The following EPHA3 variants were observed in gnomAD, a reference collection of about 807,000 sequenced individuals.
EPHA3 encodes the protein EPH receptor A3.
Under a neutral mutation model 107.1 loss-of-function variants are expected in EPHA3, and 42 were observed. The observed-to-expected ratio is 0.39, with a 90% CI of 0.31 to 0.51. The LOEUF (loss-of-function observed/expected upper bound fraction) is 0.51. EPHA3 is among the 20% of genes least tolerant of loss of function. The pLI is 0.78. For synonymous variants in EPHA3, 461 were observed against 424.8 expected (o/e 1.09, Z -1.05); for missense variants, 1,183 against 1,211.2 (o/e 0.98, Z 0.35).
At chr3:89,146,000 A>G (rs1412052062) in intron 2 of EPHA3, among the ~76,000 whole-genome samples, 9 of 151,936 alleles carry the variant, frequency 5.9e-5, no homozygotes, top group Non-Finnish European at 1.2e-4. Context: ...TCCTTACAGT[A>G]GTTCTCACTT....
chr3:89,399,214 G>A lies in EPHA3; in HGVS notation c.1432-104G>A, dbSNP rs956387133. 22 of 1,044,226 alleles carry A rather than the reference G, an allele frequency of 2.1e-5. No homozygotes were observed. The East Asian group carries it at 5.2e-4, about 25-fold the overall frequency. 64.7% of individuals were successfully genotyped at this position (1,044,226 alleles called of 1,614,324 possible). A position where few individuals can be genotyped will look rare whatever the true frequency, so the allele number is the denominator to read the frequency against. On this transcript the variant is annotated intron_variant, in intron 6 of 16. Transcript: ENST00000336596. ...ACTTTTTAAATCCATCCTATGATTT[G>A]TGTTAAAATATAAAAGAATCAGGTT...
At chr3:89,199,690 C>A (rs1705925527) in intron 2 of EPHA3, among the ~76,000 whole-genome samples, 1 of 152,154 alleles carries the variant, frequency 6.6e-6, no homozygotes, top group Non-Finnish European at 1.5e-5. Flanking sequence ...TTTCAAAAAT[C>A]TGAATTATAA....
At chr3:89,150,089 T>C (rs1353606175) in intron 2 of EPHA3, among the ~76,000 whole-genome samples, 1 of 151,948 alleles carries the variant, frequency 6.6e-6, no homozygotes, top group Non-Finnish European at 1.5e-5. Flanking sequence ...CTCTTTTTAG[T>C]GACAATTTGG....
intron 11 of EPHA3, among the ~76,000 whole-genome samples, chr3:89,428,288 C>T (rs571110263): frequency 1.3e-5 from 2 of 151,952 alleles, no homozygotes; most frequent in Admixed American, 6.6e-5. Flanking sequence ...AGTTAATTAG[C>T]CTCTGTGTCT....
intron 1 of EPHA3, 102 bp from the exon 2 acceptor site, chr3:89,127,107 G>T: frequency 1.1e-6 from 1 of 870,038 alleles, no homozygotes; most frequent in South Asian, 1.5e-5. Context: ...GAAGAGTTAT[G>T]TTTTTTGAGC....
rs558523749 is a variant in EPHA3, at chr3:89,153,740, T to C, written c.153+26467T>C. On this transcript the variant is annotated intron_variant, in intron 2 of 16. Coordinates refer to ENST00000336596, the MANE Select transcript of EPHA3 (RefSeq NM_005233.6). ...CATGTGTCCTATTATAGTTACACTC[T>C]GTGTTCATCATAGAATGATCCTGAA... 1.7e-4 allele frequency among the ~76,000 whole-genome samples: 26 copies of C among 152,248 alleles called. No homozygotes were observed. In the South Asian group the frequency reaches 3.9e-3, roughly 23 times the overall value.
intron 3 of EPHA3, among the ~76,000 whole-genome samples, chr3:89,276,950 C>A (rs1238770682): frequency 6.6e-6 from 1 of 152,010 alleles, no homozygotes. Context: ...ATGAGTATAT[C>A]CCTTTTAAAA....
chr3:89,349,746 A>G (rs1332359613), intron 5 of EPHA3, among the ~76,000 whole-genome samples: 2 of 149,832 alleles, frequency 1.3e-5, no homozygotes, highest in Non-Finnish European at 3.0e-5. Flanking sequence ...ATTTTGCAGC[A>G]GCTGGTACCA....
At chr3:89,331,643 A>G (rs1392172511) in intron 3 of EPHA3, among the ~76,000 whole-genome samples, 1 of 152,124 alleles carries the variant, frequency 6.6e-6, no homozygotes, top group Non-Finnish European at 1.5e-5. Flanking sequence ...GGTTTTCATC[A>G]TTTCTATCTC....
At chr3:89,308,942 T>A (rs536578102) in intron 3 of EPHA3, among the ~76,000 whole-genome samples, 1 of 152,160 alleles carries the variant, frequency 6.6e-6, no homozygotes, top group African/African-American at 2.4e-5. Context: ...GATTGATCAC[T>A]TCTTCCTAAC....
chr3:89,427,293 C>G (rs1194145329), intron 11 of EPHA3, among the ~76,000 whole-genome samples: 3 of 151,782 alleles, frequency 2.0e-5, no homozygotes, highest in Admixed American at 6.6e-5. Flanking sequence ...AAAAGTATAA[C>G]CTTCATGATG....
intron 1 of EPHA3, among the ~76,000 whole-genome samples, chr3:89,108,367 A>G (rs1474229949): frequency 6.6e-6 from 1 of 152,120 alleles, no homozygotes; most frequent in African/African-American, 2.4e-5. Context: ...GCTGTGTTGA[A>G]GTTGTGTGTA....
intron 3 of EPHA3, among the ~76,000 whole-genome samples, chr3:89,211,229 T>C (rs976417588): frequency 6.6e-6 from 1 of 152,066 alleles, no homozygotes; most frequent in Non-Finnish European, 1.5e-5. Context: ...TTTAATCAAA[T>C]TAATATTTAT....
chr3:89,372,946 G>A (rs1280749962), intron 5 of EPHA3, among the ~76,000 whole-genome samples: 1 of 151,696 alleles, frequency 6.6e-6, no homozygotes, highest in Non-Finnish European at 1.5e-5. Flanking sequence ...GAAAAAAGTA[G>A]TTTGATCAAA....
chr3:89,376,771 A>C (rs1309906822), intron 5 of EPHA3, among the ~76,000 whole-genome samples: 1 of 152,094 alleles, frequency 6.6e-6, no homozygotes, highest in Admixed American at 6.6e-5. Flanking sequence ...ATAGTTTGTC[A>C]TCAGCGTTAT....
intron 2 of EPHA3, among the ~76,000 whole-genome samples, chr3:89,163,039 T>C (rs1704984561): frequency 6.6e-6 from 1 of 152,190 alleles, no homozygotes; most frequent in Admixed American, 6.5e-5. Context: ...TTAAAGTTTA[T>C]ATTTACCAGG....
intron 2 of EPHA3, among the ~76,000 whole-genome samples, chr3:89,130,229 T>G (rs1380325438): frequency 1.3e-5 from 2 of 152,154 alleles, no homozygotes; most frequent in Non-Finnish European, 2.9e-5. Flanking sequence ...TGACCTGGTC[T>G]AAAATGACAG....
chr3:89,111,673 C>A (rs181291088), intron 1 of EPHA3, among the ~76,000 whole-genome samples: 1 of 152,002 alleles, frequency 6.6e-6, no homozygotes, highest in Non-Finnish European at 1.5e-5. Flanking sequence ...TGAATTGCTA[C>A]GATAATATTT....
rs201174169 is a variant in EPHA3, at chr3:89,342,130, C to A, written c.1306+40C>A. ...GATGCTTCTTACTCTTATCATATCA[C>A]GTCTGAGTAATGGTTTTGACTCTGG... On this transcript the variant is annotated intron_variant, in intron 5 of 16. Transcript: ENST00000336596. The A allele has an allele frequency of 7.2e-5, 109 of 1,523,186 alleles. No individual in the cohort carries two copies. In the African/African-American group the frequency reaches 1.4e-3, roughly 20 times the overall value. 94.4% of individuals were successfully genotyped at this position (1,523,186 alleles called of 1,614,324 possible). A position where few individuals can be genotyped will look rare whatever the true frequency, so the allele number is the denominator to read the frequency against.
Sources: gnomAD v4.1 joint callset for allele counts (sites outside exome capture counted in the v4.1 genomes callset) on GRCh38, gnomAD v4.1.1 for gene constraint, MANE v1.5 for transcripts, NCBI Gene and HGNC (gene_info 2026-07-23, HGNC 2026-07-21) for gene names.